The following STK33 variants were observed in gnomAD, a reference collection of about 807,000 sequenced individuals.
STK33 encodes the protein serine/threonine kinase 33.
Under a neutral mutation model 58.0 loss-of-function variants are expected in STK33, and 52 were observed. That is an observed-to-expected ratio of 0.90 (90% confidence interval 0.72 to 1.13). The LOEUF (loss-of-function observed/expected upper bound fraction) is 1.13. Among genes scored for constraint, STK33 ranks in the 50% most tolerant of loss-of-function variants. The probability of loss-of-function intolerance (pLI) is 0.00; values close to 1 mark genes in which losing one functional copy is unlikely to be tolerated. For synonymous variants in STK33, 215 were observed against 200.1 expected (o/e 1.07, Z -0.63); for missense variants, 630 against 604.2 (o/e 1.04, Z -0.45).
chr11:8,477,659 A>C (rs1238465748), intron 2 of STK33, among the ~76,000 whole-genome samples: 1 of 151,030 alleles, frequency 6.6e-6, no homozygotes, highest in Non-Finnish European at 1.5e-5. Flanking sequence ...TTTTCATTTT[A>C]AGATAGATTT....
At chr11:8,402,351 A>T (rs1187316409) in intron 15 of STK33, among the ~76,000 whole-genome samples, 4 of 152,174 alleles carry the variant, frequency 2.6e-5, no homozygotes, top group African/African-American at 9.7e-5. Context: ...CATTCTCAGC[A>T]AACTATCACA....
At chr11:8,482,107 C>A (rs1949853599) in intron 1 of STK33, among the ~76,000 whole-genome samples, 1 of 152,134 alleles carries the variant, frequency 6.6e-6, no homozygotes, top group Non-Finnish European at 1.5e-5. Flanking sequence ...TCTGGGAGAG[C>A]CTGTTTCCTT....
At chr11:8,357,073 G>A in the STK33 span, among the ~76,000 whole-genome samples, 43 of 152,316 alleles carry the variant, frequency 2.8e-4, no homozygotes, top group South Asian at 8.3e-4. Flanking sequence ...CCTCCTTCCC[G>A]GCCTGCCCTC....
intron 9 of STK33, 25 bp from the exon 10 acceptor site, chr11:8,454,857 C>A: frequency 1.3e-6 from 2 of 1,507,060 alleles, no homozygotes; most frequent in South Asian, 1.2e-5. Context: ...AACAACAAAT[C>A]AAATGAAATG....
chr11:8,349,571 C>A, the STK33 span, among the ~76,000 whole-genome samples: 1 of 152,192 alleles, frequency 6.6e-6, no homozygotes, highest in Admixed American at 6.5e-5. Context: ...TGCCTCTGAC[C>A]ACCTCACATT....
intron 1 of STK33, among the ~76,000 whole-genome samples, chr11:8,580,559 A>T (rs1018240818): frequency 2.6e-5 from 4 of 152,178 alleles, no homozygotes; most frequent in African/African-American, 4.8e-5. Context: ...AGTATTTGAT[A>T]GCACAACAGG....
At chr11:8,505,459 G>C (rs527543750) in intron 1 of STK33, among the ~76,000 whole-genome samples, 2 of 152,214 alleles carry the variant, frequency 1.3e-5, no homozygotes, top group African/African-American at 4.8e-5. Flanking sequence ...TTCCCTCCAC[G>C]TGGGACATTC....
At chr11:8,414,680 A>C (rs1940854117) in intron 14 of STK33, among the ~76,000 whole-genome samples, 1 of 152,102 alleles carries the variant, frequency 6.6e-6, no homozygotes, top group Admixed American at 6.6e-5. Flanking sequence ...CTAATAACTA[A>C]ATGAGGATCA....
intron 15 of STK33, among the ~76,000 whole-genome samples, chr11:8,395,156 G>A (rs944123073): frequency 2.0e-5 from 3 of 152,138 alleles, no homozygotes; most frequent in African/African-American, 7.2e-5. Context: ...ATTCATTGAT[G>A]CGGTTTGGCT....
At chr11:8,439,869 T>TTATATATATCTATATATATATATATA (rs1944512440) in intron 12 of STK33, among the ~76,000 whole-genome samples, 1 of 107,274 alleles carries the variant, frequency 9.3e-6, no homozygotes, top group Admixed American at 1.0e-4. Flanking sequence ...TATATTATAA[T>TTATATATATCTATATATATATATATA]TATATATATA....
chr11:8,501,789 G>A (rs1034473099), intron 1 of STK33, among the ~76,000 whole-genome samples: 1 of 152,152 alleles, frequency 6.6e-6, no homozygotes, highest in Non-Finnish European at 1.5e-5. Context: ...CCCATCAGCT[G>A]ATGAATAAGT....
At chr11:8,357,360 C>T in the STK33 span, among the ~76,000 whole-genome samples, 3 of 152,238 alleles carry the variant, frequency 2.0e-5, no homozygotes, top group Non-Finnish European at 4.4e-5. Context: ...CCCAGGAGTG[C>T]GAGCTGTCAG....
chr11:8,426,716 C>A (rs1564927719), intron 14 of STK33, among the ~76,000 whole-genome samples: 1 of 152,144 alleles, frequency 6.6e-6, no homozygotes, highest in Non-Finnish European at 1.5e-5. Context: ...GATTTTCACT[C>A]TTAGTTTTAT....
intron 1 of STK33, among the ~76,000 whole-genome samples, chr11:8,499,166 T>A (rs1951305532): frequency 6.6e-6 from 1 of 151,996 alleles, no homozygotes; most frequent in African/African-American, 2.4e-5. Context: ...TGGGAGAAAA[T>A]TTTTGCAATC....
intron 1 of STK33, among the ~76,000 whole-genome samples, chr11:8,490,097 G>A (rs1175776811): frequency 6.6e-6 from 1 of 152,218 alleles, no homozygotes; most frequent in Admixed American, 6.5e-5. Flanking sequence ...TGGAGGGCGA[G>A]CCGAAGCAGG....
intron 1 of STK33, among the ~76,000 whole-genome samples, chr11:8,520,476 G>T (rs1953307722): frequency 6.6e-6 from 1 of 152,108 alleles, no homozygotes; most frequent in South Asian, 2.1e-4. Context: ...TTAACATAGT[G>T]TTGGAAGTTC....
At chr11:8,353,885 T>C in the STK33 span, among the ~76,000 whole-genome samples, 2 of 152,312 alleles carry the variant, frequency 1.3e-5, no homozygotes, top group Non-Finnish European at 2.9e-5. Context: ...GTGACCACTC[T>C]AGCAGTGGCA....
intron 15 of STK33, among the ~76,000 whole-genome samples, chr11:8,408,676 G>C: frequency 6.6e-6 from 1 of 152,170 alleles, no homozygotes; most frequent in East Asian, 1.9e-4. Context: ...TCACCCCCAG[G>C]TTCAATGAGT....
chr11:8,579,392 C>G lies in STK33; in HGVS notation c.-466+14691G>C, dbSNP rs1008507343. The stretch of plus-strand genomic sequence containing the variant: ...AACAATTATAAGGTACTTTCAAATA[C>G]TTTAGTTCAATTCCTAGAATAAGAA... On this transcript the variant is annotated intron_variant, in intron 1 of 15. Transcript: ENST00000687296. 2.6e-5 allele frequency among the ~76,000 whole-genome samples: 4 copies of G among 152,086 alleles called. No homozygotes were observed. The East Asian group carries it at 7.7e-4, about 29-fold the overall frequency.
Sources: allele counts gnomAD v4.1 joint callset (sites outside exome capture counted in the v4.1 genomes callset), GRCh38; gene constraint gnomAD v4.1.1; transcripts MANE v1.5; gene names NCBI Gene and HGNC (gene_info 2026-07-23, HGNC 2026-07-21).